The following CAMKMT variants were observed in gnomAD, a reference collection of about 807,000 sequenced individuals.
CAMKMT encodes the protein calmodulin-lysine N-methyltransferase, also known as CaM KMT.
In CAMKMT, 53 loss-of-function variants were observed where a neutral mutation model predicts 48.0. The observed-to-expected ratio is 1.10, with a 90% CI of 0.89 to 1.39. The LOEUF (loss-of-function observed/expected upper bound fraction) is 1.39, where lower values mean the gene tolerates loss of function less well. Among genes scored for constraint, CAMKMT ranks in the 40% most tolerant of loss-of-function variants. The pLI is 0.00. For missense variants in CAMKMT, 428 were observed against 402.7 expected (o/e 1.06, Z -0.54); for synonymous variants, 165 against 152.3 (o/e 1.08, Z -0.61).
At chr2:44,386,932 T>G (rs1169893271) in intron 2 of CAMKMT, among the ~76,000 whole-genome samples, 1 of 152,180 alleles carries the variant, frequency 6.6e-6, no homozygotes, top group Non-Finnish European at 1.5e-5. Flanking sequence ...TTTTATGGCC[T>G]ATCATATGGT....
chr2:44,410,367 C>T (rs749428074), intron 3 of CAMKMT, among the ~76,000 whole-genome samples: 2 of 146,362 alleles, frequency 1.4e-5, no homozygotes, highest in Non-Finnish European at 3.0e-5. Flanking sequence ...ACCCCCTTCT[C>T]CTGCCTCAGC....
chr2:44,608,026 T>C (rs1221307811), intron 3 of CAMKMT, among the ~76,000 whole-genome samples: 1 of 151,756 alleles, frequency 6.6e-6, no homozygotes, highest in African/African-American at 2.4e-5. Context: ...TTAAATACTT[T>C]CATATGTAAA....
chr2:44,673,792 T>G (rs1039773727), intron 3 of CAMKMT, among the ~76,000 whole-genome samples: 4 of 152,094 alleles, frequency 2.6e-5, no homozygotes, highest in Admixed American at 2.6e-4. Flanking sequence ...ATTTCAACAC[T>G]GATGTGAGAA....
intron 3 of CAMKMT, among the ~76,000 whole-genome samples, chr2:44,596,214 C>T (rs947146164): frequency 1.1e-4 from 16 of 151,784 alleles, no homozygotes; most frequent in African/African-American, 3.9e-4. Flanking sequence ...TTTGGGAGGA[C>T]GAGGTAGGTG....
chr2:44,706,135 A>C (rs1274451761), intron 4 of CAMKMT, 152 bp from the exon 5 acceptor site: 4 of 622,668 alleles, frequency 6.4e-6, no homozygotes, highest in Non-Finnish European at 1.1e-5. Flanking sequence ...TTTAAAACGC[A>C]AAACGACATG....
intron 3 of CAMKMT, among the ~76,000 whole-genome samples, chr2:44,586,295 G>A (rs1669855369): frequency 6.6e-6 from 1 of 151,916 alleles, no homozygotes. Context: ...TATCTCAAGT[G>A]TACAATTTGA....
At chr2:44,758,421 T>G (rs1680472231) in intron 9 of CAMKMT, among the ~76,000 whole-genome samples, 1 of 152,172 alleles carries the variant, frequency 6.6e-6, no homozygotes. Flanking sequence ...CAGGCACCTG[T>G]GCCTGAAAAG....
chr2:44,613,223 G>A (rs1260859465), intron 3 of CAMKMT, among the ~76,000 whole-genome samples: 1 of 152,156 alleles, frequency 6.6e-6, no homozygotes, highest in Non-Finnish European at 1.5e-5. Context: ...ACTATATGCA[G>A]CAGTCAGCTG....
chr2:44,765,216 G>A (rs903791799), intron 9 of CAMKMT, among the ~76,000 whole-genome samples: 5 of 151,696 alleles, frequency 3.3e-5, no homozygotes, highest in Non-Finnish European at 7.4e-5. Context: ...TGACAGAGTG[G>A]GACTCTGTCT....
chr2:44,628,689 C>A (rs1379840093), intron 3 of CAMKMT, among the ~76,000 whole-genome samples: 1 of 151,950 alleles, frequency 6.6e-6, no homozygotes, highest in Non-Finnish European at 1.5e-5. Flanking sequence ...CCTGTAAGCC[C>A]TACTCTTCCA....
At chr2:44,466,341 C>A (rs964438829) in intron 3 of CAMKMT, among the ~76,000 whole-genome samples, 1 of 152,068 alleles carries the variant, frequency 6.6e-6, no homozygotes, top group Non-Finnish European at 1.5e-5. Context: ...TCTGACCACA[C>A]TGAAATAAAA....
At chr2:44,445,734 G>A (rs1433412470) in intron 3 of CAMKMT, among the ~76,000 whole-genome samples, 3 of 137,982 alleles carry the variant, frequency 2.2e-5, no homozygotes, top group Non-Finnish European at 4.5e-5. Context: ...ATGCAAACTG[G>A]TAAAAGGCCT....
chr2:44,474,162 T>C (rs1668563403), intron 3 of CAMKMT, among the ~76,000 whole-genome samples: 1 of 152,048 alleles, frequency 6.6e-6, no homozygotes. Context: ...TAGTAAGCAT[T>C]GGGCCGGGCG....
At chr2:44,394,978 G>A (rs749460201) in intron 3 of CAMKMT, 3 of 451,662 alleles carry the variant, frequency 6.6e-6, no homozygotes, top group African/African-American at 6.0e-5. Context: ...GGGCAATATA[G>A]CAAGACTTTT....
Position 44,461,575 on chromosome 2 carries a change from G to A in CAMKMT, c.376+71270G>A, listed in dbSNP as rs1223378512. Among the ~76,000 whole-genome samples, 13 of 152,262 alleles carry A rather than the reference G, an allele frequency of 8.5e-5. No individual in the cohort carries two copies. The East Asian group carries it at 2.3e-3, about 27-fold the overall frequency. On this transcript the variant is annotated intron_variant, in intron 3 of 10. Transcript: ENST00000378494. ...AGAATGCAAGGTTTGAGAGGACAGGGAATGCATCTGTCTTGTTCACCTCTA... is the reference window on the plus strand; with the variant it reads ...AGAATGCAAGGTTTGAGAGGACAGGAAATGCATCTGTCTTGTTCACCTCTA...
intron 3 of CAMKMT, among the ~76,000 whole-genome samples, chr2:44,459,455 GTAT>G (rs934406603): frequency 1.3e-5 from 2 of 151,132 alleles, no homozygotes; most frequent in East Asian, 1.9e-4. Flanking sequence ...GTGATGAAAT[GTAT>G]TATTATTTAG....
At chr2:44,363,361 G>A (rs1184317821) in intron 1 of CAMKMT, among the ~76,000 whole-genome samples, 1 of 151,840 alleles carries the variant, frequency 6.6e-6, no homozygotes, top group East Asian at 1.9e-4. Context: ...GGGGAGAGTG[G>A]ACTCAACCCC....
intron 3 of CAMKMT, among the ~76,000 whole-genome samples, chr2:44,527,794 C>CA (rs911945781): frequency 3.6e-5 from 5 of 137,388 alleles, no homozygotes; most frequent in African/African-American, 1.3e-4. Context: ...AGCCCCCCCC[C>CA]CCATTATCAA....
chr2:44,665,533 G>A (rs1674918679), intron 3 of CAMKMT, among the ~76,000 whole-genome samples: 1 of 152,190 alleles, frequency 6.6e-6, no homozygotes, highest in Non-Finnish European at 1.5e-5. Flanking sequence ...CATTGCCCTT[G>A]AACCAGGCAA....
Sources: gnomAD v4.1 joint callset for allele counts (sites outside exome capture counted in the v4.1 genomes callset) on GRCh38, gnomAD v4.1.1 for gene constraint, MANE v1.5 for transcripts, NCBI Gene and HGNC (gene_info 2026-07-23, HGNC 2026-07-21) for gene names.